Variants in IL3RA observed in about 807,000 individuals in gnomAD.
IL3RA encodes interleukin 3 receptor subunit alpha.
In IL3RA, 73 loss-of-function variants were observed where a neutral mutation model predicts 52.3. The observed-to-expected ratio is 1.40, with a 90% CI of 1.16 to 1.70. IL3RA has a LOEUF of 1.70. IL3RA is among the 40% of genes most tolerant of loss of function. IL3RA has a pLI of 0.00. For synonymous variants in IL3RA, 260 were observed against 194.0 expected, an observed-to-expected ratio of 1.34 and a Z score of -2.83; for missense variants, 664 against 504.4, an observed-to-expected ratio of 1.32 and a Z score of -3.03.
chrX:1,365,051 C>T, intron 8 of IL3RA, 87 bp from the exon 9 acceptor site: 4 of 869,346 alleles, frequency 4.6e-6, no homozygotes, highest in Non-Finnish European at 7.6e-6. Context: ...TCAGGTGATC[C>T]ACCTGCCTTG....
At chrX:1,347,973 G>C (rs1239359009) in intron 3 of IL3RA, among the ~76,000 whole-genome samples, 5 of 148,334 alleles carry the variant, frequency 3.4e-5, no homozygotes, top group Admixed American at 6.9e-5. Flanking sequence ...GGAGGGAGAG[G>C]CTACAGTGAG....
At chrX:1,349,542 G>A (rs1366043861) in intron 4 of IL3RA, among the ~76,000 whole-genome samples, 1 of 152,040 alleles carries the variant, frequency 6.6e-6, no homozygotes, top group African/African-American at 2.4e-5. Context: ...AAACTCCTAG[G>A]CTCAAGTGAT....
rs1489600124 is a variant in IL3RA, at chrX:1,378,501, C to A, written c.875-158C>A. ...CCTGCAGGTGGCCCGCAGGTGGTCACGGTCTCTGTGCAGGTGGCACTACTG... is the reference window on the plus strand; with the variant it reads ...CCTGCAGGTGGCCCGCAGGTGGTCAAGGTCTCTGTGCAGGTGGCACTACTG... On this transcript the variant is annotated intron_variant, in intron 9 of 11. Transcript: ENST00000331035. Among the ~76,000 whole-genome samples, 5 of 149,500 alleles carry A rather than the reference C, an allele frequency of 3.3e-5. No individual in the cohort carries two copies. In the East Asian group the frequency reaches 9.6e-4, roughly 29 times the overall value.
chrX:1,367,715 G>T (rs1424101961), intron 9 of IL3RA, among the ~76,000 whole-genome samples: 105 of 123,328 alleles, frequency 8.5e-4, no homozygotes, highest in Non-Finnish European at 1.6e-3. Context: ...TGCGCGGGGT[G>T]AGCGGGGTGC....
Position 1,376,653 on chromosome X carries a change from C to G in IL3RA, c.875-2006C>G, listed in dbSNP as rs867931229. Among the ~76,000 whole-genome samples, 262 of 144,288 alleles carry G rather than the reference C, an allele frequency of 1.8e-3. 2 individuals are homozygous for G. The highest frequency in any genetic ancestry group is 6.8e-3 in the East Asian group (29 of 4,282). The allele number at this position is 144,288 out of a possible 152,430, so 94.7% of individuals were successfully genotyped here. On this transcript the variant is annotated intron_variant, in intron 9 of 11. Coordinates refer to ENST00000331035, the MANE Select transcript of IL3RA (RefSeq NM_002183.4). Reference sequence around the variant, plus strand: ...CTGTGAGGACACAGGGAGAAGACGGCGTCTCCAAGCCCAGGAGAGAGGCCT... The same window carrying G: ...CTGTGAGGACACAGGGAGAAGACGGGGTCTCCAAGCCCAGGAGAGAGGCCT...
chrX:1,360,881 GTCTC>G (rs1402901800), intron 8 of IL3RA, among the ~76,000 whole-genome samples: 1 of 115,592 alleles, frequency 8.7e-6, no homozygotes, highest in African/African-American at 4.2e-5. Flanking sequence ...TCCCCTCTCT[GTCTC>G]TCTCTCCCTT....
intron 8 of IL3RA, among the ~76,000 whole-genome samples, chrX:1,363,492 G>A (rs1225924506): frequency 2.0e-5 from 3 of 151,118 alleles, no homozygotes; most frequent in Non-Finnish European, 2.9e-5. Flanking sequence ...AGTAGAGACG[G>A]GGTTTCACTG....
At chrX:1,339,519 C>T (rs111647369) in intron 1 of IL3RA, among the ~76,000 whole-genome samples, 27,853 of 152,060 alleles carry the variant, frequency 0.18, 2,745 homozygotes, top group Middle Eastern at 0.24. Context: ...TTAGGCCGGG[C>T]GCGGTGGCTC....
rs1223979592 is a variant in IL3RA, at chrX:1,348,688, TTC to T, written c.298+145_298+146del. On this transcript the variant is annotated intron_variant, in intron 4 of 11. Coordinates refer to ENST00000331035, the MANE Select transcript of IL3RA (RefSeq NM_002183.4). ...TTTCTTTCTTTCTTTCTTTCTTTCT[TTC>T]TTTTTCTTTCTTTCTGTTTCTGTTT... is the stretch of plus-strand genomic sequence containing the variant. 38 of 397,382 alleles carry T rather than the reference TTC, an allele frequency of 9.6e-5. 1 individual carries two copies. The African/African-American group carries it at 1.0e-3, about 11-fold the overall frequency. The allele number at this position is 397,382 out of a possible 1,614,324, so 24.6% of individuals were successfully genotyped here.
At position 1,367,765 on chromosome X, in the gene IL3RA, G is replaced by A. The variant is rs1298001177; in HGVS notation, c.874+2513G>A. 7.7e-4 allele frequency among the ~76,000 whole-genome samples: 106 copies of A among 138,194 alleles called. 1 individual carries two copies. The highest frequency in any genetic ancestry group is 2.5e-3 in the African/African-American group (94 of 37,238). 90.7% of individuals were successfully genotyped at this position (138,194 alleles called of 152,430 possible). On this transcript the variant is annotated intron_variant, in intron 9 of 11. Coordinates refer to ENST00000331035, the MANE Select transcript of IL3RA (RefSeq NM_002183.4). ...GTGCGCGGGGTGAGCGGGGTGCGCC[G>A]GGTGAGCGGGGTGCGCGGGCTGAGC... is the stretch of plus-strand genomic sequence containing the variant.
chrX:1,361,740 G>C (rs765764684), intron 8 of IL3RA, among the ~76,000 whole-genome samples: 1 of 135,438 alleles, frequency 7.4e-6, no homozygotes, highest in Non-Finnish European at 1.5e-5. Flanking sequence ...GTGACAGAGT[G>C]AGACTCCGTC....
Position 1,356,313 on chromosome X carries a change from C to A in IL3RA, c.709C>A (p.Arg237Ser), listed in dbSNP as rs753510585. Residue 237 changes from arginine to serine, a missense_variant, in exon 7 of 12, where the codon CGC (arginine) becomes AGC (serine). Physicochemically the swap from Arg to Ser is moderately radical, Grantham distance 110. Coordinates refer to ENST00000331035, the MANE Select transcript of IL3RA (RefSeq NM_002183.4). ...KMRSHFNRKF[R>S]YELQIQKRMQ... ...GAGAAGTCATTTCAATCGCAAATTT[C>A]GCTATGAGCTTCAGATACAAAAGGT... 2 of 1,611,964 alleles carry A rather than the reference C, an allele frequency of 1.2e-6. No homozygotes were observed. The highest frequency in any genetic ancestry group is 1.7e-6 in the Non-Finnish European group (2 of 1,178,384).
At chrX:1,343,182 G>A (rs1352099086) in intron 2 of IL3RA, among the ~76,000 whole-genome samples, 1 of 152,084 alleles carries the variant, frequency 6.6e-6, no homozygotes, top group African/African-American at 2.4e-5. Flanking sequence ...AATGCCAGAA[G>A]TCTAGACATT....
rs1323596752 is a variant in IL3RA at position 1,341,738 on chromosome X, T to C, written c.-28T>C. On this transcript the variant is annotated 5_prime_UTR_variant, in exon 2 of 12. Transcript: ENST00000331035. Reference sequence around the variant, plus strand: ...TCGTTTCTCCTGCAGCAGGCACCTCTGTCCTGCGTTCCGGAGCTGCGTTCC... The same window carrying C: ...TCGTTTCTCCTGCAGCAGGCACCTCCGTCCTGCGTTCCGGAGCTGCGTTCC... 2 of 1,613,346 alleles carry C rather than the reference T, an allele frequency of 1.2e-6. No individual in the cohort carries two copies. Among genetic ancestry groups the C allele is most frequent in the Non-Finnish European group, 1.7e-6 (2 of 1,179,550 alleles).
chrX:1,356,281 G>T lies in IL3RA; in HGVS notation c.677G>T (p.Trp226Leu), dbSNP rs143118009. ...AATAAGACACATTCCTTTATGCACT[G>T]GAAAATGAGAAGTCATTTCAATCGC... is the stretch of plus-strand genomic sequence containing the variant. ...KCNKTHSFMHWKMRSHFNRKF... is the reference protein window; with the variant it reads ...KCNKTHSFMHLKMRSHFNRKF... Residue 226 changes from tryptophan (W) to leucine (L), a missense_variant, in exon 7 of 12, where the codon TGG (tryptophan) becomes TTG (leucine). Physicochemically the swap from Trp to Leu is moderately conservative, Grantham distance 61. Transcript: ENST00000331035. 41 of 1,613,546 alleles carry T rather than the reference G, an allele frequency of 2.5e-5. No individual in the cohort carries two copies. Among genetic ancestry groups the T allele is most frequent in the African/African-American group, 4.0e-5 (3 of 74,854 alleles).
chrX:1,359,574 C>A (rs1335349861), intron 8 of IL3RA, among the ~76,000 whole-genome samples: 1 of 150,212 alleles, frequency 6.7e-6, no homozygotes, highest in South Asian at 2.1e-4. Flanking sequence ...GTGTCTATCT[C>A]TCCCTGTCCC....
rs745961567 is a variant in IL3RA, at chrX:1,365,236, C to T, written c.858C>T (p.Ser286=). The change falls in exon 9 of 12, where the codon AGC becomes AGT. Residue 286 remains serine, a synonymous_variant. Coordinates refer to ENST00000331035, the MANE Select transcript of IL3RA (RefSeq NM_002183.4). ...ERVYEFLSAW[S]TPQRFECDQE... The stretch of plus-strand genomic sequence containing the variant: ...TGTATGAATTCTTGAGCGCCTGGAG[C>T]ACCCCCCAGCGCTTCGGTGAGTGGG... 6.2e-7 allele frequency: 1 copy of T among 1,608,074 alleles called. No individual in the cohort carries two copies. The highest frequency in any genetic ancestry group is 8.5e-7 in the Non-Finnish European group (1 of 1,176,846).
At chrX:1,362,274 TTC>T (rs1388916366) in intron 8 of IL3RA, among the ~76,000 whole-genome samples, 8 of 151,690 alleles carry the variant, frequency 5.3e-5, no homozygotes, top group South Asian at 4.2e-4. Flanking sequence ...CTGTCTCTTT[TTC>T]TCTTTCCCTC....
At chrX:1,376,704 CTGG>C (rs2088765084) in intron 9 of IL3RA, among the ~76,000 whole-genome samples, 1 of 140,108 alleles carries the variant, frequency 7.1e-6, no homozygotes, top group African/African-American at 2.8e-5. Context: ...CTGCCCACAC[CTGG>C]ATCTCAGACC....
Sources: gnomAD v4.1 joint callset for allele counts (sites outside exome capture counted in the v4.1 genomes callset) on GRCh38, gnomAD v4.1.1 for gene constraint, MANE v1.5 for transcripts, NCBI Gene and HGNC (gene_info 2026-07-23, HGNC 2026-07-21) for gene names.